The following PRDM16 variants were observed in gnomAD, a reference collection of about 807,000 sequenced individuals.
PRDM16 encodes the protein PR/SET domain 16.
Under a neutral mutation model 110.6 loss-of-function variants are expected in PRDM16, and 23 were observed. That is an observed-to-expected ratio of 0.21 (90% CI 0.15 to 0.29). PRDM16 has a LOEUF of 0.29. Among genes scored for constraint, PRDM16 ranks in the 10% least tolerant of loss-of-function variants. The pLI, the probability that PRDM16 is intolerant of heterozygous loss-of-function variation, is 1.00. For missense variants in PRDM16, 1,615 were observed against 1,794.3 expected, an observed-to-expected ratio of 0.90 and a Z score of 1.81; for synonymous variants, 799 against 781.8, an observed-to-expected ratio of 1.02 and a Z score of -0.37.
intron 4 of PRDM16, among the ~76,000 whole-genome samples, chr1:3,387,948 C>T (rs1171969114): frequency 1.3e-5 from 2 of 152,224 alleles, no homozygotes; most frequent in Non-Finnish European, 2.9e-5. Flanking sequence ...CCCTCTCGCG[C>T]GCTGTGACGG....
At chr1:3,310,351 A>G (rs868526489) in intron 3 of PRDM16, among the ~76,000 whole-genome samples, 8 of 151,988 alleles carry the variant, frequency 5.3e-5, no homozygotes, top group Middle Eastern at 3.4e-3. Context: ...ATCTTCCTAA[A>G]GCGACCCGGT....
intron 1 of PRDM16, among the ~76,000 whole-genome samples, chr1:3,161,078 G>T (rs1398911391): frequency 6.6e-6 from 1 of 152,170 alleles, no homozygotes; most frequent in Non-Finnish European, 1.5e-5. Flanking sequence ...ACGTTTTGCT[G>T]CCCCCACTCC....
intron 1 of PRDM16, among the ~76,000 whole-genome samples, chr1:3,120,224 A>G (rs187491728): frequency 4.4e-4 from 67 of 152,362 alleles, no homozygotes; most frequent in Admixed American, 1.1e-3. Context: ...GGAAGTCTCC[A>G]CACTGGCCCA....
At chr1:3,110,881 TGCC>T (rs1160353878) in intron 1 of PRDM16, among the ~76,000 whole-genome samples, 1 of 152,098 alleles carries the variant, frequency 6.6e-6, no homozygotes, top group African/African-American at 2.4e-5. Flanking sequence ...TAAGAACAGT[TGCC>T]GAGTCCTTGC....
intron 1 of PRDM16, among the ~76,000 whole-genome samples, chr1:3,095,471 C>T (rs915967156): frequency 6.6e-6 from 1 of 152,158 alleles, no homozygotes; most frequent in African/African-American, 2.4e-5. Context: ...CCCATAGGAC[C>T]TGGAGCACAG....
At chr1:3,103,044 G>A (rs1393703806) in intron 1 of PRDM16, among the ~76,000 whole-genome samples, 1 of 152,206 alleles carries the variant, frequency 6.6e-6, no homozygotes, top group Non-Finnish European at 1.5e-5. Flanking sequence ...CCAGTCTGGG[G>A]TGCAAATACG....
intron 1 of PRDM16, among the ~76,000 whole-genome samples, chr1:3,140,297 A>G (rs1241418265): frequency 6.6e-6 from 1 of 152,108 alleles, no homozygotes; most frequent in Non-Finnish European, 1.5e-5. Flanking sequence ...CAGGGACAGC[A>G]TCAATTTGAT....
intron 3 of PRDM16, among the ~76,000 whole-genome samples, chr1:3,369,505 T>A (rs978341019): frequency 6.6e-6 from 1 of 151,246 alleles, no homozygotes; most frequent in African/African-American, 2.5e-5. Flanking sequence ...ATCTCCGTTC[T>A]TCCACATCCG....
chr1:3,393,875 C>G (rs956421681), intron 4 of PRDM16, among the ~76,000 whole-genome samples: 1 of 152,150 alleles, frequency 6.6e-6, no homozygotes, highest in South Asian at 2.1e-4. Context: ...CGCCTCGGGC[C>G]CTGCGATCAG....
At chr1:3,125,171 G>A (rs753919858) in intron 1 of PRDM16, among the ~76,000 whole-genome samples, 3 of 152,254 alleles carry the variant, frequency 2.0e-5, no homozygotes, top group East Asian at 1.9e-4. Context: ...TGCGCACCCC[G>A]CAGCTGCACC....
chr1:3,239,492 TG>T (rs1639613069), intron 2 of PRDM16, among the ~76,000 whole-genome samples: 1 of 152,160 alleles, frequency 6.6e-6, no homozygotes, highest in Admixed American at 6.5e-5. Flanking sequence ...CCTTGCCATT[TG>T]TATGCCCCTG....
intron 3 of PRDM16, among the ~76,000 whole-genome samples, chr1:3,258,558 A>C (rs1014067655): frequency 6.6e-6 from 1 of 152,256 alleles, no homozygotes; most frequent in African/African-American, 2.4e-5. Context: ...TTAAGTAATA[A>C]AAAGCAAGAC....
At chr1:3,323,429 G>A (rs1236226688) in intron 3 of PRDM16, among the ~76,000 whole-genome samples, 1 of 152,242 alleles carries the variant, frequency 6.6e-6, no homozygotes, top group East Asian at 1.9e-4. Flanking sequence ...TGTTCCAGGC[G>A]CCAACAGAAG....
intron 3 of PRDM16, among the ~76,000 whole-genome samples, chr1:3,248,246 G>C (rs948332359): frequency 2.0e-5 from 3 of 152,186 alleles, no homozygotes; most frequent in African/African-American, 7.2e-5. Context: ...TCAGCTGAAA[G>C]AATTTTGATT....
At chr1:3,123,005 A>C (rs1010855450) in intron 1 of PRDM16, among the ~76,000 whole-genome samples, 2 of 152,148 alleles carry the variant, frequency 1.3e-5, no homozygotes, top group African/African-American at 4.8e-5. Flanking sequence ...CAAGGGGCCA[A>C]GGTGGGTGGG....
intron 2 of PRDM16, among the ~76,000 whole-genome samples, chr1:3,212,001 C>T (rs1238414248): frequency 1.3e-5 from 2 of 152,188 alleles, no homozygotes; most frequent in Admixed American, 6.5e-5. Context: ...GGATAATGGG[C>T]GAGTTCTCCG....
chr1:3,296,330 G>C (rs760636181), intron 3 of PRDM16, among the ~76,000 whole-genome samples: 7 of 152,222 alleles, frequency 4.6e-5, no homozygotes, highest in Non-Finnish European at 7.3e-5. Flanking sequence ...TATGGTCCGA[G>C]AGGCAGCCAG....
chr1:3,211,134 GT>G (rs1328147790), intron 2 of PRDM16, among the ~76,000 whole-genome samples: 1 of 152,146 alleles, frequency 6.6e-6, no homozygotes, highest in African/African-American at 2.4e-5. Context: ...TTCGATGCTG[GT>G]TGTCTCCTCC....
At chr1:3,329,029 C>G (rs151028935) in intron 3 of PRDM16, among the ~76,000 whole-genome samples, 1 of 124,198 alleles carries the variant, frequency 8.1e-6, no homozygotes, top group African/African-American at 2.6e-5. Flanking sequence ...TCCCCCCAGG[C>G]GAGGAATGGG....
Sources: allele counts gnomAD v4.1 joint callset (sites outside exome capture counted in the v4.1 genomes callset), GRCh38; gene constraint gnomAD v4.1.1; transcripts MANE v1.5; gene names NCBI Gene and HGNC (gene_info 2026-07-23, HGNC 2026-07-21).